The following DOCK1 variants were observed in gnomAD, a reference collection of about 807,000 sequenced individuals.
The protein encoded by DOCK1 is dedicator of cytokinesis protein 1.
In DOCK1, 138 loss-of-function variants were observed where a neutral mutation model predicts 262.7. The ratio of observed to expected loss-of-function variants is 0.53; its 90% CI spans 0.46 to 0.61. The LOEUF (loss-of-function observed/expected upper bound fraction) is 0.61, where lower values mean the gene tolerates loss of function less well. Ranked by LOEUF, DOCK1 falls within the 20% of genes least tolerant of loss-of-function variation. The pLI, the probability that DOCK1 is intolerant of heterozygous loss-of-function variation, is 0.00. For synonymous variants in DOCK1, 866 were observed against 867.4 expected (o/e 1.00, Z 0.03); for missense variants, 1,908 against 2,370.7 (o/e 0.80, Z 4.05).
At chr10:127,127,844 T>C in intron 27 of DOCK1, 80 bp downstream of exon 27, 1 of 1,222,544 alleles carries the variant, frequency 8.2e-7, no homozygotes, top group Non-Finnish European at 1.2e-6. Flanking sequence ...GAACATAGCT[T>C]ATTATACTGC....
chr10:127,361,289 T>G (rs1590685336), intron 32 of DOCK1, among the ~76,000 whole-genome samples: 1 of 151,954 alleles, frequency 6.6e-6, no homozygotes, highest in African/African-American at 2.4e-5. Context: ...GATTTTTTTG[T>G]ATTTTTAGTA....
chr10:127,173,391 C>T (rs562647004), intron 27 of DOCK1, among the ~76,000 whole-genome samples: 252 of 152,314 alleles, frequency 1.7e-3, no homozygotes, highest in African/African-American at 5.5e-3. Context: ...GATGGCATCT[C>T]AGAGAACCCT....
intron 4 of DOCK1, among the ~76,000 whole-genome samples, chr10:126,984,535 G>GTTT (rs1185507800): frequency 7.1e-6 from 1 of 141,748 alleles, no homozygotes; most frequent in Non-Finnish European, 1.5e-5. Flanking sequence ...GTGTGTGTGT[G>GTTT]TTTTTTTTTT....
intron 45 of DOCK1, among the ~76,000 whole-genome samples, chr10:127,418,913 G>A (rs2068326840): frequency 6.6e-6 from 1 of 152,246 alleles, no homozygotes; most frequent in African/African-American, 2.4e-5. Flanking sequence ...CTTTGACGGT[G>A]GAGGGGGCCC....
chr10:127,077,120 C>T (rs1591927686), intron 23 of DOCK1, among the ~76,000 whole-genome samples: 2 of 152,248 alleles, frequency 1.3e-5, no homozygotes, highest in East Asian at 1.9e-4. Flanking sequence ...GAGGGCCGAG[C>T]GCGGTGGCTT....
chr10:127,378,639 C>A (rs2065657315), intron 35 of DOCK1, among the ~76,000 whole-genome samples: 1 of 151,890 alleles, frequency 6.6e-6, no homozygotes, highest in Non-Finnish European at 1.5e-5. Context: ...CATGATATTC[C>A]CGTTGTGAAA....
chr10:127,215,341 G>A (rs1015477753), intron 27 of DOCK1, among the ~76,000 whole-genome samples: 1 of 152,098 alleles, frequency 6.6e-6, no homozygotes, highest in Non-Finnish European at 1.5e-5. Context: ...GGAGCACTAG[G>A]GAAGACCCAG....
At chr10:127,336,818 C>A (rs911737988) in intron 29 of DOCK1, among the ~76,000 whole-genome samples, 6 of 152,144 alleles carry the variant, frequency 3.9e-5, no homozygotes, top group East Asian at 3.9e-4. Flanking sequence ...GGATTACAGG[C>A]GTGAGCCACC....
chr10:127,024,884 T>C (rs2042719125), intron 15 of DOCK1, 101 bp downstream of exon 15: 2 of 1,014,272 alleles, frequency 2.0e-6, no homozygotes, highest in Non-Finnish European at 2.8e-6. Flanking sequence ...CGGGAGCTGC[T>C]CCAGGCAGGC....
intron 8 of DOCK1, 84 bp downstream of exon 8, chr10:126,998,333 A>G: frequency 6.4e-7 from 1 of 1,555,472 alleles, no homozygotes; most frequent in Non-Finnish European, 8.8e-7. Flanking sequence ...CGTCCCATTC[A>G]TGCTGAGAGG....
chr10:127,277,422 G>A (rs551891555), intron 29 of DOCK1, among the ~76,000 whole-genome samples: 2 of 152,244 alleles, frequency 1.3e-5, no homozygotes, highest in South Asian at 4.1e-4. Context: ...CTATAGATGA[G>A]TGTTTGCCTT....
At chr10:127,093,982 C>T (rs917473384) in intron 23 of DOCK1, among the ~76,000 whole-genome samples, 1 of 152,048 alleles carries the variant, frequency 6.6e-6, no homozygotes, top group African/African-American at 2.4e-5. Context: ...CCAAACTCTC[C>T]CTTTTACAAT....
At chr10:127,186,107 A>T (rs1458106014) in intron 27 of DOCK1, among the ~76,000 whole-genome samples, 7 of 152,156 alleles carry the variant, frequency 4.6e-5, no homozygotes, top group Non-Finnish European at 1.5e-5. Flanking sequence ...AGGATGAATC[A>T]CTGGCTTTCA....
chr10:126,970,633 C>T, intron 1 of DOCK1, 69 bp from the exon 2 acceptor site: 2 of 1,241,432 alleles, frequency 1.6e-6, no homozygotes, highest in Non-Finnish European at 2.3e-6. Flanking sequence ...TTAAAACAAG[C>T]CAACACGACT....
chr10:126,970,854 G>A lies in DOCK1; in HGVS notation c.130+69G>A. ...ATGGCACACCTTCTCAGTGCCTGCT[G>A]GGCAAAGCATTCCTCTGTTACAGAC... On this transcript the variant is annotated intron_variant, in intron 2 of 51. Coordinates refer to ENST00000623213, the MANE Select transcript of DOCK1 (RefSeq NM_001290223.2). 3 of 1,540,212 alleles carry A rather than the reference G, an allele frequency of 1.9e-6. No homozygotes were observed. The South Asian group carries it at 3.6e-5, about 18-fold the overall frequency.
At chr10:127,212,109 G>C (rs565470550) in intron 27 of DOCK1, among the ~76,000 whole-genome samples, 1 of 152,262 alleles carries the variant, frequency 6.6e-6, no homozygotes, top group East Asian at 1.9e-4. Context: ...TTCCAGCTCT[G>C]TGCATCCTTT....
At chr10:127,281,066 T>C (rs1022617982) in intron 29 of DOCK1, among the ~76,000 whole-genome samples, 3 of 152,210 alleles carry the variant, frequency 2.0e-5, no homozygotes, top group Non-Finnish European at 2.9e-5. Flanking sequence ...GGCTTCCTTG[T>C]TTGGTTTGTG....
intron 29 of DOCK1, among the ~76,000 whole-genome samples, chr10:127,335,532 G>T (rs1450297605): frequency 1.3e-5 from 2 of 151,082 alleles, no homozygotes; most frequent in Non-Finnish European, 2.9e-5. Flanking sequence ...AATAACTTAT[G>T]AATTACAGTA....
chr10:126,915,290 T>C (rs1048028509), intron 1 of DOCK1, among the ~76,000 whole-genome samples: 2 of 152,152 alleles, frequency 1.3e-5, no homozygotes, highest in African/African-American at 2.4e-5. Context: ...AAGACGGAAG[T>C]GATGCCAAGG....
Sources: allele counts gnomAD v4.1 joint callset (sites outside exome capture counted in the v4.1 genomes callset), GRCh38; gene constraint gnomAD v4.1.1; transcripts MANE v1.5; gene names NCBI Gene and HGNC (gene_info 2026-07-23, HGNC 2026-07-21).